CCDC192: variants seen among roughly 807,000 people sequenced by gnomAD.
The protein encoded by CCDC192 is coiled-coil domain-containing protein 192.
intron 6 of CCDC192, among the ~76,000 whole-genome samples, chr5:127,933,223 T>C (rs1754093602): frequency 1.3e-5 from 2 of 152,188 alleles, no homozygotes; most frequent in African/African-American, 4.8e-5. Context: ...TGTGAGACTT[T>C]GGTCTGCATG....
Position 127,941,193 on chromosome 5 carries a change from C to A in CCDC192, c.547C>A (p.Leu183Met), listed in dbSNP as rs568813683. ...GKPAPREDSL[L>M]EGFCGGLPPV... ...CTTGTTTGCTTTAGAAGACAGCTTG[C>A]TGGAAGGGTTCTGTGGAGGTCTCCC... Residue 183 changes from leucine to methionine, a missense_variant, in exon 7 of 7, where the codon CTG becomes ATG. Coordinates refer to ENST00000514853, the MANE Select transcript of CCDC192 (RefSeq NM_001317938.2). 5 of 399,030 alleles carry A rather than the reference C, an allele frequency of 1.3e-5. No homozygotes were observed. In the Admixed American group the frequency reaches 1.3e-4, roughly 11 times the overall value. The allele number at this position is 399,030 out of a possible 1,614,324, so 24.7% of individuals were successfully genotyped here.
chr5:127,877,432 A>G (rs1301835208), intron 6 of CCDC192, among the ~76,000 whole-genome samples: 1 of 152,146 alleles, frequency 6.6e-6, no homozygotes, highest in Non-Finnish European at 1.5e-5. Flanking sequence ...AAATAAAGCC[A>G]GTCATTGTAA....
At chr5:127,939,397 G>C (rs968201904) in intron 6 of CCDC192, among the ~76,000 whole-genome samples, 1 of 151,906 alleles carries the variant, frequency 6.6e-6, no homozygotes, top group Non-Finnish European at 1.5e-5. Flanking sequence ...GATTACAGGC[G>C]TGAGCCACCG....
chr5:127,902,314 C>T (rs1753058239), intron 6 of CCDC192, among the ~76,000 whole-genome samples: 1 of 151,344 alleles, frequency 6.6e-6, no homozygotes, highest in Admixed American at 6.6e-5. Flanking sequence ...ATAAGAACCA[C>T]ATAATCTAGG....
At chr5:127,890,072 C>T (rs1752688937) in intron 6 of CCDC192, among the ~76,000 whole-genome samples, 3 of 152,038 alleles carry the variant, frequency 2.0e-5, no homozygotes, top group Non-Finnish European at 4.4e-5. Flanking sequence ...ATCTGGATCT[C>T]ACAGATGCGA....
chr5:127,713,966 C>T (rs248734), intron 2 of CCDC192, among the ~76,000 whole-genome samples: 47,501 of 152,108 alleles, frequency 0.31, 8,276 homozygotes, highest in Middle Eastern at 0.41. Flanking sequence ...CTAGCTATAA[C>T]TTTGTATTTA....
intron 2 of CCDC192, among the ~76,000 whole-genome samples, chr5:127,729,789 T>A (rs998839294): frequency 6.6e-6 from 1 of 152,008 alleles, no homozygotes; most frequent in African/African-American, 2.4e-5. Context: ...ATAATAAAAT[T>A]AAGGCAGAAA....
At chr5:127,769,228 G>A (rs1196576634) in intron 3 of CCDC192, among the ~76,000 whole-genome samples, 1 of 152,152 alleles carries the variant, frequency 6.6e-6, no homozygotes, top group Non-Finnish European at 1.5e-5. Context: ...TTGGGTGAAT[G>A]GTGAGAAAAA....
intron 2 of CCDC192, among the ~76,000 whole-genome samples, chr5:127,729,577 G>C (rs1265941579): frequency 1.3e-5 from 2 of 152,038 alleles, no homozygotes; most frequent in Non-Finnish European, 2.9e-5. Context: ...ATTCTTCTTC[G>C]GGTCACATGG....
At chr5:127,719,488 TA>T (rs2126794447) in intron 2 of CCDC192, among the ~76,000 whole-genome samples, 1 of 136,436 alleles carries the variant, frequency 7.3e-6, no homozygotes, top group Admixed American at 7.9e-5. Context: ...TATATATATA[TA>T]TATATACACA....
chr5:127,737,336 A>T (rs1039172577), intron 2 of CCDC192, among the ~76,000 whole-genome samples: 116 of 151,764 alleles, frequency 7.6e-4, no homozygotes, highest in African/African-American at 2.4e-3. Flanking sequence ...TGCTGAGGAG[A>T]GCTTTACTTC....
At chr5:127,758,091 G>C (rs1754714234) in intron 3 of CCDC192, among the ~76,000 whole-genome samples, 1 of 152,002 alleles carries the variant, frequency 6.6e-6, no homozygotes, top group Admixed American at 6.6e-5. Context: ...TCCTGCCTTT[G>C]AGAAAAGGGT....
At chr5:127,920,542 C>A (rs1753682181) in intron 6 of CCDC192, among the ~76,000 whole-genome samples, 1 of 151,112 alleles carries the variant, frequency 6.6e-6, no homozygotes, top group Non-Finnish European at 1.5e-5. Context: ...TCCTGAATAG[C>A]TGGGATTACA....
intron 3 of CCDC192, among the ~76,000 whole-genome samples, chr5:127,754,599 T>C (rs1289649044): frequency 6.6e-6 from 1 of 152,060 alleles, no homozygotes; most frequent in Non-Finnish European, 1.5e-5. Flanking sequence ...GTATGGACCT[T>C]TTCAGCGTTT....
At chr5:127,848,257 C>G (rs1016565960) in intron 5 of CCDC192, among the ~76,000 whole-genome samples, 4 of 152,134 alleles carry the variant, frequency 2.6e-5, no homozygotes, top group African/African-American at 9.7e-5. Flanking sequence ...CAGGCTCAGT[C>G]TTTTTATTCA....
chr5:127,918,939 GTA>G (rs1381449059), intron 6 of CCDC192, among the ~76,000 whole-genome samples: 3 of 146,350 alleles, frequency 2.0e-5, no homozygotes, highest in East Asian at 2.2e-4. Context: ...GTCTCTGTGT[GTA>G]TATATGTGTA....
At chr5:127,758,870 A>G (rs552486983) in intron 3 of CCDC192, among the ~76,000 whole-genome samples, 1 of 152,356 alleles carries the variant, frequency 6.6e-6, no homozygotes, top group South Asian at 2.1e-4. Flanking sequence ...ATGACCATAC[A>G]CAAGCAAATA....
chr5:127,939,695 T>C (rs1446597148), intron 6 of CCDC192, among the ~76,000 whole-genome samples: 1 of 151,892 alleles, frequency 6.6e-6, no homozygotes, highest in Admixed American at 6.6e-5. Context: ...ATGTTTTTTT[T>C]TTTTTTTGCC....
At chr5:127,831,135 G>C (rs920234811) in intron 5 of CCDC192, among the ~76,000 whole-genome samples, 4 of 152,140 alleles carry the variant, frequency 2.6e-5, no homozygotes, top group Non-Finnish European at 5.9e-5. Flanking sequence ...AGTTGAGTTA[G>C]GAGGTTAAGC....
Sources: gnomAD v4.1 joint callset for allele counts (sites outside exome capture counted in the v4.1 genomes callset) on GRCh38, gnomAD v4.1.1 for gene constraint, MANE v1.5 for transcripts, NCBI Gene and HGNC (gene_info 2026-07-23, HGNC 2026-07-21) for gene names.